Variants in ARHGEF3 observed in about 807,000 individuals in gnomAD.
ARHGEF3 encodes the protein Rho guanine nucleotide exchange factor 3, also known as 59.8 kDA protein.
A neutral mutation model predicts 63.2 loss-of-function variants in ARHGEF3; 28 were observed. The observed-to-expected ratio is 0.44, with a 90% CI of 0.33 to 0.61. The LOEUF (loss-of-function observed/expected upper bound fraction) is 0.61. Among genes scored for constraint, ARHGEF3 ranks in the 20% least tolerant of loss-of-function variants. The pLI is 0.03. For synonymous variants in ARHGEF3, 266 were observed against 254.2 expected (o/e 1.05, Z -0.44); for missense variants, 533 against 659.3 (o/e 0.81, Z 2.10).
chr3:56,738,149 T>A (rs1230635560), intron 7 of ARHGEF3, among the ~76,000 whole-genome samples: 1 of 152,202 alleles, frequency 6.6e-6, no homozygotes, highest in Non-Finnish European at 1.5e-5. Flanking sequence ...GTTCAAGTGA[T>A]TCTACTGCCT....
intron 3 of ARHGEF3, among the ~76,000 whole-genome samples, chr3:56,949,109 G>T (rs1252605121): frequency 6.6e-6 from 1 of 151,880 alleles, no homozygotes; most frequent in Non-Finnish European, 1.5e-5. Context: ...CAATAAATTA[G>T]GTATTGATGG....
intron 4 of ARHGEF3, among the ~76,000 whole-genome samples, chr3:56,832,270 T>C (rs183515512): frequency 9.8e-5 from 15 of 152,360 alleles, no homozygotes; most frequent in Middle Eastern, 3.4e-3. Flanking sequence ...TAAATACTGA[T>C]ATTCTTACCA....
At chr3:56,905,555 CG>C (rs1372190290) in intron 3 of ARHGEF3, among the ~76,000 whole-genome samples, 11 of 152,228 alleles carry the variant, frequency 7.2e-5, no homozygotes, top group Admixed American at 5.2e-4. Context: ...CCAGCCTACA[CG>C]CATAAGAGAC....
At position 56,923,066 on chromosome 3, in the gene ARHGEF3, AT is replaced by A. The variant is rs1275982336; in HGVS notation, c.129+35756del. Among the ~76,000 whole-genome samples the A allele has an allele frequency of 4.0e-3, 133 of 33,024 alleles. 1 individual carries two copies. Among genetic ancestry groups the A allele is most frequent in the Middle Eastern group, 0.028 (2 of 72 alleles). The allele number at this position is 33,024 out of a possible 152,430, so 21.7% of individuals were successfully genotyped here. ...TATATATATATATATATATATATAT[AT>A]ATATATATAAATTAGTTGGGCATGG... On this transcript the variant is annotated intron_variant, in intron 3 of 12. Transcript: ENST00000338458.
intron 2 of ARHGEF3, among the ~76,000 whole-genome samples, chr3:56,978,045 C>G (rs1189852333): frequency 6.6e-6 from 1 of 152,186 alleles, no homozygotes; most frequent in Admixed American, 6.5e-5. Context: ...CATATACACC[C>G]TGCTGAGCAC....
intron 8 of ARHGEF3, among the ~76,000 whole-genome samples, chr3:56,735,035 G>A (rs1333573275): frequency 2.0e-5 from 3 of 152,144 alleles, no homozygotes; most frequent in Non-Finnish European, 4.4e-5. Flanking sequence ...TGTAATCCCA[G>A]CACTTTGGGA....
chr3:56,960,975 A>G (rs1700254017), intron 2 of ARHGEF3: 1 of 152,232 alleles, frequency 6.6e-6, no homozygotes, highest in African/African-American at 2.4e-5. Context: ...AATATATACC[A>G]GAACATTCTG....
chr3:56,985,628 T>C (rs1226956301), intron 2 of ARHGEF3, among the ~76,000 whole-genome samples: 1 of 152,080 alleles, frequency 6.6e-6, no homozygotes, highest in African/African-American at 2.4e-5. Context: ...TAAAGACAGA[T>C]AGGGAAACTG....
At chr3:57,005,747 T>C (rs1037578880) in intron 2 of ARHGEF3, among the ~76,000 whole-genome samples, 2 of 152,146 alleles carry the variant, frequency 1.3e-5, no homozygotes, top group African/African-American at 4.8e-5. Flanking sequence ...CGTTCTCTAA[T>C]ATGTAAAAAG....
At chr3:56,894,828 T>C (rs2108292012) in intron 3 of ARHGEF3, among the ~76,000 whole-genome samples, 1 of 152,302 alleles carries the variant, frequency 6.6e-6, no homozygotes, top group Non-Finnish European at 1.5e-5. Context: ...GATTAAATGC[T>C]GGATAAACAT....
intron 1 of ARHGEF3, 56 bp from the exon 2 acceptor site, chr3:56,773,872 A>C (rs2036146999): frequency 1.0e-5 from 14 of 1,395,066 alleles, no homozygotes; most frequent in East Asian, 2.3e-5. Context: ...CAAAGACAAC[A>C]TAACTCCATC....
chr3:56,997,992 C>T (rs1001879574), intron 2 of ARHGEF3, among the ~76,000 whole-genome samples: 7 of 152,240 alleles, frequency 4.6e-5, no homozygotes, highest in South Asian at 4.1e-4. Context: ...CAAAATGAGG[C>T]GGACAAGACT....
chr3:56,873,654 C>G (rs2040501875), intron 4 of ARHGEF3, among the ~76,000 whole-genome samples: 1 of 152,158 alleles, frequency 6.6e-6, no homozygotes, highest in Non-Finnish European at 1.5e-5. Flanking sequence ...AAGCAATCCT[C>G]CAGCCTGAGT....
In ARHGEF3 at chr3:56,838,062, T is replaced by A. The variant is rs565257520; in HGVS notation, c.192+44230A>T. The stretch of plus-strand genomic sequence containing the variant: ...AGAATGTTTATCACAGGAAAATACC[T>A]ATTTTTTAAAAATAAAAACAATGTA... On this transcript the variant is annotated intron_variant, in intron 4 of 12. Transcript: ENST00000338458. Among the ~76,000 whole-genome samples the A allele has an allele frequency of 3.3e-5, 5 of 152,336 alleles. No individual in the cohort carries two copies. The South Asian group carries it at 1.0e-3, about 32-fold the overall frequency.
In ARHGEF3 at chr3:56,754,964, A is replaced by T. The variant is rs768511684; in HGVS notation, c.375+17T>A. On this transcript the variant is annotated intron_variant, in intron 3 of 9. Coordinates refer to ENST00000296315, the MANE Select transcript of ARHGEF3 (RefSeq NM_019555.3). ...TTGTTCCAGACACACAGCCAGCTCC[A>T]TGGGCCCCGAGCCTACCTCCTGACG... 1 of 1,613,968 alleles carries T rather than the reference A, an allele frequency of 6.2e-7. No homozygotes were observed. The highest frequency in any genetic ancestry group is 8.5e-7 in the Non-Finnish European group (1 of 1,179,982).
chr3:56,934,860 G>A (rs976654564), intron 3 of ARHGEF3, among the ~76,000 whole-genome samples: 26 of 152,354 alleles, frequency 1.7e-4, no homozygotes, highest in African/African-American at 6.0e-4. Flanking sequence ...AGCACACGGC[G>A]CTGGACTGGC....
At chr3:56,863,143 C>CTT (rs66950659) in intron 4 of ARHGEF3, among the ~76,000 whole-genome samples, 6 of 145,552 alleles carry the variant, frequency 4.1e-5, no homozygotes, top group African/African-American at 1.5e-4. Context: ...TTACCTTTTT[C>CTT]TTTTTTTTTT....
At chr3:56,749,113 AC>A (rs1169590919) in intron 6 of ARHGEF3, among the ~76,000 whole-genome samples, 2 of 152,162 alleles carry the variant, frequency 1.3e-5, no homozygotes, top group Non-Finnish European at 2.9e-5. Flanking sequence ...AAAACATTTA[AC>A]AGCTTGTCAG....
intron 4 of ARHGEF3, 27 bp from the exon 5 acceptor site, chr3:56,751,423 G>A: frequency 3.2e-6 from 5 of 1,573,876 alleles, no homozygotes; most frequent in Non-Finnish European, 4.4e-6. Context: ...AGAGATGGAA[G>A]CACATGTTTA....
Sources: allele counts gnomAD v4.1 joint callset (sites outside exome capture counted in the v4.1 genomes callset), GRCh38; gene constraint gnomAD v4.1.1; transcripts MANE v1.5; gene names NCBI Gene and HGNC (gene_info 2026-07-23, HGNC 2026-07-21).